FGF12: variants seen among roughly 807,000 people sequenced by gnomAD.
FGF12 encodes fibroblast growth factor 12.
FGF12 carries 14 observed loss-of-function variants against 23.6 expected under a neutral mutation model. The ratio of observed to expected loss-of-function variants is 0.59; its 90% CI spans 0.39 to 0.93. The LOEUF is 0.93. Among genes scored for constraint, FGF12 ranks in the 40% least tolerant of loss-of-function variants. FGF12 has a pLI of 0.00. For synonymous variants in FGF12, 62 were observed against 77.3 expected, an observed-to-expected ratio of 0.80 and a Z score of 1.04; for missense variants, 175 against 217.8, an observed-to-expected ratio of 0.80 and a Z score of 1.24.
chr3:192,714,513 A>ATTTTTTTTTTTTTTTTTTTT lies in FGF12; in HGVS notation c.13+12648_13+12667dup, dbSNP rs770781442. Among the ~76,000 whole-genome samples the ATTTTTTTTTTTTTTTTTTTT allele has an allele frequency of 4.2e-4, 42 of 99,740 alleles. 2 individuals are homozygous for ATTTTTTTTTTTTTTTTTTTT. The highest frequency in any genetic ancestry group is 1.9e-3 in the East Asian group (6 of 3,148). 65.4% of individuals were successfully genotyped at this position (99,740 alleles called of 152,430 possible). A position where few individuals can be genotyped will look rare whatever the true frequency, so the allele number is the denominator to read the frequency against. On this transcript the variant is annotated intron_variant, in intron 2 of 5. Coordinates refer to ENST00000445105, the MANE Select transcript of FGF12 (RefSeq NM_004113.6). ...CTTATTTATAGATCTTAAGGAAATAATTTTTTTTTTTTTTTTTTTTTTTGA... is the reference window on the plus strand; with the variant it reads ...CTTATTTATAGATCTTAAGGAAATAATTTTTTTTTTTTTTTTTTTTTTTTTTTTTTTTTTTTTTTTTTTGA...
At chr3:192,629,642 T>C (rs1211832085) in intron 2 of FGF12, among the ~76,000 whole-genome samples, 1 of 151,884 alleles carries the variant, frequency 6.6e-6, no homozygotes, top group Admixed American at 6.6e-5. Context: ...AGTGTGCCAA[T>C]AAACTTCTTT....
intron 2 of FGF12, among the ~76,000 whole-genome samples, chr3:192,490,890 G>A (rs1723782446): frequency 6.6e-6 from 1 of 152,128 alleles, no homozygotes; most frequent in Non-Finnish European, 1.5e-5. Flanking sequence ...GGCAGTGACT[G>A]GAAGAAGGAA....
intron 3 of FGF12, among the ~76,000 whole-genome samples, chr3:192,350,057 T>C (rs1472380225): frequency 6.6e-6 from 1 of 152,150 alleles, no homozygotes; most frequent in African/African-American, 2.4e-5. Context: ...ATCAATGAAC[T>C]TATCCATATC....
chr3:192,319,292 C>G (rs1275388413), intron 4 of FGF12, among the ~76,000 whole-genome samples: 2 of 151,970 alleles, frequency 1.3e-5, no homozygotes, highest in Non-Finnish European at 2.9e-5. Flanking sequence ...AAAACATGAA[C>G]CTATCAAAAA....
At position 192,408,503 on chromosome 3, in the gene FGF12, C is replaced by A. The variant is rs781322248; in HGVS notation, c.14-47965G>T. 211 of 1,257,742 alleles carry A rather than the reference C, an allele frequency of 1.7e-4. No individual in the cohort carries two copies. Among genetic ancestry groups the A allele is most frequent in the Middle Eastern group, 3.1e-4 (1 of 3,190 alleles). The allele number at this position is 1,257,742 out of a possible 1,614,324, so 77.9% of individuals were successfully genotyped here. ...GTCCCAGGCCCTCTTGCGAAGTAGA[C>A]GTTTGCACCCCAAACTTGCACCCCA... On this transcript the variant is annotated intron_variant, in intron 2 of 5. Transcript: ENST00000445105. This position sits in a 1 kb window ranked among gnomAD's most constrained non-coding sequence, Gnocchi z 7.3.
chr3:192,293,360 T>G (rs947555260), intron 4 of FGF12, among the ~76,000 whole-genome samples: 1 of 152,202 alleles, frequency 6.6e-6, no homozygotes, highest in African/African-American at 2.4e-5. Context: ...AGTGTATGTA[T>G]CTGGAGATTT....
At chr3:192,287,173 T>C (rs1215899567) in intron 4 of FGF12, among the ~76,000 whole-genome samples, 6 of 152,054 alleles carry the variant, frequency 3.9e-5, no homozygotes, top group Non-Finnish European at 8.8e-5. Flanking sequence ...TGTTTAGATC[T>C]AATCACATCG....
intron 2 of FGF12, among the ~76,000 whole-genome samples, chr3:192,573,834 A>C (rs1340446534): frequency 6.6e-6 from 1 of 152,230 alleles, no homozygotes; most frequent in African/African-American, 2.4e-5. Context: ...GTGTGTCAGC[A>C]ACATTTAATT....
intron 2 of FGF12, among the ~76,000 whole-genome samples, chr3:192,421,342 C>T (rs1721520177): frequency 6.6e-6 from 1 of 151,492 alleles, no homozygotes; most frequent in Non-Finnish European, 1.5e-5. Context: ...CCATGTGTGA[C>T]ACTCAGTTTT....
rs536686045 is a variant in FGF12 at position 192,544,594 on chromosome 3, A to G, written c.13+182587T>C. ...TTTTATCTCAGTATTAAAGTTATCC[A>G]AAAGAGCTATTTAACACATAACAAA... On this transcript the variant is annotated intron_variant, in intron 2 of 5. Transcript: ENST00000445105. 3.3e-5 allele frequency among the ~76,000 whole-genome samples: 5 copies of G among 152,350 alleles called. No homozygotes were observed. The South Asian group carries it at 8.3e-4, about 25-fold the overall frequency.
At chr3:192,300,097 G>C (rs1000124021) in intron 4 of FGF12, among the ~76,000 whole-genome samples, 1 of 152,154 alleles carries the variant, frequency 6.6e-6, no homozygotes, top group Non-Finnish European at 1.5e-5. Flanking sequence ...ACATAGGGGA[G>C]CACAGGCAAT....
At chr3:192,459,838 AGT>A (rs35153893) in intron 2 of FGF12, among the ~76,000 whole-genome samples, 42,024 of 150,306 alleles carry the variant, frequency 0.28, 7,426 homozygotes, top group East Asian at 0.52. Context: ...ATGTATGTTT[AGT>A]GTGTGTGTGT....
chr3:192,348,013 A>G (rs1486478485), intron 3 of FGF12, among the ~76,000 whole-genome samples: 1 of 152,170 alleles, frequency 6.6e-6, no homozygotes, highest in Non-Finnish European at 1.5e-5. Context: ...GTCTGTCCCT[A>G]AAATCAAATG....
chr3:192,206,855 T>A (rs565373815), intron 4 of FGF12, among the ~76,000 whole-genome samples: 2,875 of 152,174 alleles, frequency 0.019, 114 homozygotes, highest in East Asian at 0.13. Flanking sequence ...CTCTCAACCC[T>A]CCTGGAGGGC....
intron 2 of FGF12, among the ~76,000 whole-genome samples, chr3:192,647,726 C>T (rs1337057234): frequency 2.1e-5 from 3 of 144,852 alleles, no homozygotes; most frequent in Non-Finnish European, 4.5e-5. Context: ...TATATATACA[C>T]ATATATACAT....
At chr3:192,161,763 C>T (rs899525554) in intron 5 of FGF12, among the ~76,000 whole-genome samples, 3 of 152,064 alleles carry the variant, frequency 2.0e-5, no homozygotes, top group Non-Finnish European at 2.9e-5. Context: ...GACAATATGC[C>T]ATTCAAATGG....
chr3:192,305,677 A>T (rs201498223), intron 4 of FGF12, among the ~76,000 whole-genome samples: 2,087 of 111,862 alleles, frequency 0.019, 33 homozygotes, highest in African/African-American at 0.047. Flanking sequence ...AAAAAAAAAA[A>T]AAATATATAT....
intron 4 of FGF12, among the ~76,000 whole-genome samples, chr3:192,260,179 G>A (rs1398759088): frequency 6.6e-6 from 1 of 152,080 alleles, no homozygotes; most frequent in Non-Finnish European, 1.5e-5. Context: ...CCTTTGCCAA[G>A]TACAAAACCT....
At position 192,631,824 on chromosome 3, in the gene FGF12, T is replaced by C. The variant is rs185699502; in HGVS notation, c.13+95357A>G. Among the ~76,000 whole-genome samples, 10 of 152,332 alleles carry C rather than the reference T, an allele frequency of 6.6e-5. No individual in the cohort carries two copies. The East Asian group carries it at 1.7e-3, about 26-fold the overall frequency. On this transcript the variant is annotated intron_variant, in intron 2 of 5. Coordinates refer to ENST00000445105, the MANE Select transcript of FGF12 (RefSeq NM_004113.6). The stretch of plus-strand genomic sequence containing the variant: ...AAACCTAGAAAAATTATTTGGCCAT[T>C]TAAAGCATGGTCAGGAATAGTTTGT...
Sources: gnomAD v4.1 joint callset for allele counts (sites outside exome capture counted in the v4.1 genomes callset) on GRCh38, gnomAD v4.1.1 for gene constraint, Gnocchi (gnomAD v3.1) non-coding constraint, MANE v1.5 for transcripts, NCBI Gene and HGNC (gene_info 2026-07-23, HGNC 2026-07-21) for gene names.